PTPRM: variants seen among roughly 807,000 people sequenced by gnomAD.
PTPRM encodes protein tyrosine phosphatase receptor type M, also known as receptor-type tyrosine-protein phosphatase mu.
In PTPRM, 47 loss-of-function variants were observed where a neutral mutation model predicts 186.7. The observed-to-expected ratio is 0.25, with a 90% CI of 0.20 to 0.32. The LOEUF (loss-of-function observed/expected upper bound fraction) is 0.32. PTPRM is among the 10% of genes least tolerant of loss of function. The pLI, the probability that PTPRM is intolerant of heterozygous loss-of-function variation, is 1.00. For synonymous variants in PTPRM, 668 were observed against 674.9 expected, an observed-to-expected ratio of 0.99 and a Z score of 0.16; for missense variants, 1,494 against 1,865.0, an observed-to-expected ratio of 0.80 and a Z score of 3.66.
At chr18:8,005,212 T>C (rs1210833738) in intron 7 of PTPRM, among the ~76,000 whole-genome samples, 3 of 152,222 alleles carry the variant, frequency 2.0e-5, no homozygotes, top group Admixed American at 6.5e-5. Flanking sequence ...AGGAATGCCC[T>C]TTGATATTCA....
chr18:7,682,647 GA>G (rs1219493032), intron 1 of PTPRM, among the ~76,000 whole-genome samples: 2 of 152,208 alleles, frequency 1.3e-5, no homozygotes, highest in African/African-American at 4.8e-5. Flanking sequence ...CCATAGGGTT[GA>G]TGAAATTTAT....
At chr18:8,307,399 C>T (rs562523844) in intron 20 of PTPRM, among the ~76,000 whole-genome samples, 1 of 152,346 alleles carries the variant, frequency 6.6e-6, no homozygotes, top group South Asian at 2.1e-4. Flanking sequence ...ACTGCTAACA[C>T]AGGTATCTCC....
chr18:7,987,468 A>T (rs1392559595), intron 7 of PTPRM, among the ~76,000 whole-genome samples: 1 of 152,172 alleles, frequency 6.6e-6, no homozygotes, highest in Non-Finnish European at 1.5e-5. Context: ...GACTGGGGGA[A>T]GATTAGTCAT....
At chr18:8,385,674 C>T (rs1255356047) in intron 30 of PTPRM, among the ~76,000 whole-genome samples, 2 of 152,166 alleles carry the variant, frequency 1.3e-5, no homozygotes, top group Admixed American at 1.3e-4. Flanking sequence ...TTGGGGGCCC[C>T]GGCTGGAAGG....
At chr18:7,598,782 CTTTTT>C (rs34474506) in intron 1 of PTPRM, among the ~76,000 whole-genome samples, 2 of 127,844 alleles carry the variant, frequency 1.6e-5, no homozygotes, top group African/African-American at 5.4e-5. Flanking sequence ...TTCTGAATTC[CTTTTT>C]TTTTTTTTTT....
At chr18:7,802,539 G>A (rs993029410) in intron 2 of PTPRM, among the ~76,000 whole-genome samples, 3 of 152,060 alleles carry the variant, frequency 2.0e-5, no homozygotes, top group Admixed American at 6.5e-5. Flanking sequence ...TAAGGGAAAT[G>A]TAGTTTATTT....
chr18:7,792,914 C>T (rs950607282), intron 2 of PTPRM, among the ~76,000 whole-genome samples: 3 of 152,112 alleles, frequency 2.0e-5, no homozygotes, highest in African/African-American at 7.2e-5. Context: ...ATTCAACCAC[C>T]TTGGCCTCCC....
At position 8,319,191 on chromosome 18, in the gene PTPRM, C is replaced by A. The variant is rs2095329951; in HGVS notation, c.2933C>A (p.Pro978His). ...ATTTATTTTTAGGGTTATCATCGAC[C>A]CAATCATTACATTGCTACCCAAGGT... ...NGNYIDGYHR[P>H]NHYIATQGPM... The change falls in exon 22 of 33, where the codon CCC becomes CAC. Residue 978 changes from proline (P) to histidine (H), a missense_variant. Pro to His is a moderately conservative substitution (Grantham distance 77). Around this residue, in one of 3 missense-constraint regions of PTPRM, gnomAD observed 1,107 missense variants for 1,350.2 expected, o/e 0.82. Coordinates refer to ENST00000580170, the MANE Select transcript of PTPRM (RefSeq NM_001105244.2). 1.3e-6 allele frequency: 2 copies of A among 1,556,516 alleles called. No individual in the cohort carries two copies. The highest frequency in any genetic ancestry group is 2.7e-5 in the African/African-American group (2 of 73,372).
At chr18:7,930,963 T>C (rs138425448) in intron 5 of PTPRM, among the ~76,000 whole-genome samples, 3 of 152,130 alleles carry the variant, frequency 2.0e-5, no homozygotes, top group Non-Finnish European at 4.4e-5. Context: ...GATTGTTTTC[T>C]CTAGAACACT....
At chr18:8,051,255 A>G (rs1450255762) in intron 7 of PTPRM, among the ~76,000 whole-genome samples, 1 of 152,200 alleles carries the variant, frequency 6.6e-6, no homozygotes, top group East Asian at 1.9e-4. Context: ...AGAGCCAACA[A>G]TCTTTCTAGG....
chr18:7,802,640 T>A (rs1387441524), intron 2 of PTPRM, among the ~76,000 whole-genome samples: 1 of 152,236 alleles, frequency 6.6e-6, no homozygotes, highest in Non-Finnish European at 1.5e-5. Flanking sequence ...TTGGAAAGAC[T>A]CCTAGATAAA....
intron 17 of PTPRM, among the ~76,000 whole-genome samples, chr18:8,248,944 G>A (rs952571754): frequency 2.1e-4 from 32 of 152,144 alleles, no homozygotes; most frequent in African/African-American, 7.2e-4. Flanking sequence ...ATATAAGAAG[G>A]GTGAGGAGAA....
chr18:8,244,746 C>G (rs534478110), intron 15 of PTPRM, among the ~76,000 whole-genome samples: 7 of 152,264 alleles, frequency 4.6e-5, no homozygotes, highest in African/African-American at 1.7e-4. Flanking sequence ...CTACTGCCTT[C>G]CCATACTACT....
intron 1 of PTPRM, among the ~76,000 whole-genome samples, chr18:7,591,314 A>T (rs1037046286): frequency 4.6e-5 from 7 of 152,194 alleles, no homozygotes; most frequent in African/African-American, 1.7e-4. Context: ...TTAAATCTCT[A>T]CAACCTTATT....
intron 27 of PTPRM, 58 bp downstream of exon 27, chr18:8,378,472 CAAG>C: frequency 6.3e-7 from 1 of 1,577,824 alleles, no homozygotes; most frequent in East Asian, 2.2e-5. Flanking sequence ...AGAAGGATTT[CAAG>C]GTCAGCACCT....
chr18:7,801,633 T>C lies in PTPRM; in HGVS notation c.196+27362T>C, dbSNP rs140044307. On this transcript the variant is annotated intron_variant, in intron 2 of 32. Coordinates refer to ENST00000580170, the MANE Select transcript of PTPRM (RefSeq NM_001105244.2). ...CATTTATTACCTTTATCAAGTATTA[T>C]GTACTGTACATGATGCATGTTCTGT... Among the ~76,000 whole-genome samples the C allele has an allele frequency of 2.2e-3, 339 of 152,354 alleles. 1 individual carries two copies. Among genetic ancestry groups the C allele is most frequent in the Non-Finnish European group, 3.6e-3 (246 of 68,032 alleles).
At chr18:7,659,909 C>G (rs1052205291) in intron 1 of PTPRM, among the ~76,000 whole-genome samples, 1 of 152,192 alleles carries the variant, frequency 6.6e-6, no homozygotes, top group Non-Finnish European at 1.5e-5. Flanking sequence ...TCAAAGTCAT[C>G]TGTCATGTGT....
chr18:8,358,680 C>T (rs955503745), intron 23 of PTPRM, among the ~76,000 whole-genome samples: 15 of 152,202 alleles, frequency 9.9e-5, no homozygotes, highest in African/African-American at 3.6e-4. Flanking sequence ...AGAGGTATTA[C>T]ATAAGGTTGT....
intron 7 of PTPRM, among the ~76,000 whole-genome samples, chr18:8,006,565 C>T (rs899882734): frequency 5.9e-5 from 9 of 152,168 alleles, no homozygotes; most frequent in Non-Finnish European, 1.2e-4. Context: ...TGGCTTTTCC[C>T]GGGAGTGGAA....
Sources: gnomAD v4.1 joint callset for allele counts (sites outside exome capture counted in the v4.1 genomes callset) on GRCh38, gnomAD v4.1.1 for gene constraint, gnomAD v4.1.1 regional missense constraint, MANE v1.5 for transcripts, NCBI Gene and HGNC (gene_info 2026-07-23, HGNC 2026-07-21) for gene names.